Variants in KIAA2012 observed in about 807,000 individuals in gnomAD.
KIAA2012 encodes the protein uncharacterized protein KIAA2012.
A neutral mutation model predicts 150.6 loss-of-function variants in KIAA2012; 125 were observed. The ratio of observed to expected loss-of-function variants is 0.83; its 90% CI spans 0.72 to 0.96. The LOEUF (loss-of-function observed/expected upper bound fraction) is 0.96. Among genes scored for constraint, KIAA2012 ranks in the 40% least tolerant of loss-of-function variants. KIAA2012 has a pLI of 0.00. For missense variants in KIAA2012, 1,219 were observed against 1,354.9 expected, an observed-to-expected ratio of 0.90 and a Z score of 1.57; for synonymous variants, 462 against 504.7, an observed-to-expected ratio of 0.92 and a Z score of 1.13.
intron 2 of KIAA2012, chr2:202,076,832 G>C: frequency 2.6e-6 from 1 of 385,900 alleles, no homozygotes. Context: ...GTTTGTCTCA[G>C]ATTCCCTCTG....
rs1379583053 is a variant in KIAA2012, at chr2:202,075,111, T to C, written c.305T>C (p.Leu102Pro). ...TGCCCCAGAGGTCCCTGGAGGAAGC[T>C]GGATCTTGAACTGCACACACTTCAA... ...PYCPRGPWRKLDLELHTLQDL... is the reference protein window; with the variant it reads ...PYCPRGPWRKPDLELHTLQDL... The change falls in exon 2 of 24, where the codon CTG (leucine) becomes CCG (proline). Residue 102 changes from leucine to proline, a missense_variant. Transcript: ENST00000498697. 2 of 1,550,490 alleles carry C rather than the reference T, an allele frequency of 1.3e-6. No homozygotes were observed. The highest frequency in any genetic ancestry group is 2.0e-5 in the Admixed American group (1 of 50,998).
Position 202,100,424 on chromosome 2 carries a change from C to T in KIAA2012, c.1130C>T (p.Thr377Ile). The T allele has an allele frequency of 6.4e-7, 1 of 1,550,422 alleles. No individual in the cohort carries two copies. The highest frequency in any genetic ancestry group is 8.7e-7 in the Non-Finnish European group (1 of 1,146,916). ...TCTGCCACTGGCTCCAGAATAATCA[C>T]CCCTGGGGAAGTGAAGAAGAAAAAG... ...VASATGSRII[T>I]PGEVKKKKAP... The change falls in exon 7 of 24, where the codon ACC (threonine) becomes ATC (isoleucine). Residue 377 changes from threonine (T) to isoleucine (I), a missense_variant. By Grantham distance (89) the Thr-to-Ile change is moderately conservative (BLOSUM62 -1). Coordinates refer to ENST00000498697, the MANE Select transcript of KIAA2012 (RefSeq NM_001277372.4).
At chr2:202,089,541 T>C (rs1206063000) in intron 2 of KIAA2012, among the ~76,000 whole-genome samples, 1 of 152,224 alleles carries the variant, frequency 6.6e-6, no homozygotes, top group Non-Finnish European at 1.5e-5. Flanking sequence ...CTCCACACAG[T>C]TGCTCTCTAT....
intron 19 of KIAA2012, 109 bp downstream of exon 19, chr2:202,190,602 G>A (rs761941880): frequency 3.0e-5 from 24 of 808,376 alleles, no homozygotes; most frequent in Middle Eastern, 3.0e-4. Flanking sequence ...AAAACAGCTC[G>A]ACCACCTAAT....
intron 11 of KIAA2012, among the ~76,000 whole-genome samples, chr2:202,119,975 A>G (rs1313534920): frequency 1.3e-5 from 2 of 152,168 alleles, no homozygotes; most frequent in Non-Finnish European, 2.9e-5. Context: ...AAGAGATCTC[A>G]TGGTTTTAAA....
intron 5 of KIAA2012, among the ~76,000 whole-genome samples, chr2:202,098,822 ACGCGCG>A (rs147687356): frequency 9.9e-5 from 11 of 110,676 alleles, no homozygotes; most frequent in African/African-American, 2.3e-4. Flanking sequence ...GTGTGTGTGC[ACGCGCG>A]CGCGCGCGCA....
At chr2:202,130,973 CT>C (rs1690915359) in intron 12 of KIAA2012, among the ~76,000 whole-genome samples, 1 of 152,070 alleles carries the variant, frequency 6.6e-6, no homozygotes, top group Non-Finnish European at 1.5e-5. Context: ...TGAGTCTTTT[CT>C]TAAGGATGTT....
At chr2:202,107,801 G>A (rs2105926017) in intron 9 of KIAA2012, among the ~76,000 whole-genome samples, 1 of 152,248 alleles carries the variant, frequency 6.6e-6, no homozygotes, top group Middle Eastern at 3.4e-3. Context: ...CTGAGGTCAG[G>A]AGTTCGAGAC....
At chr2:202,119,202 G>A (rs570189738) in intron 11 of KIAA2012, among the ~76,000 whole-genome samples, 1 of 152,094 alleles carries the variant, frequency 6.6e-6, no homozygotes, top group Non-Finnish European at 1.5e-5. Context: ...AACCTGGGAG[G>A]CAGAGATTGC....
At chr2:202,171,319 T>G (rs1218115152) in intron 15 of KIAA2012, among the ~76,000 whole-genome samples, 1 of 152,102 alleles carries the variant, frequency 6.6e-6, no homozygotes, top group Non-Finnish European at 1.5e-5. Context: ...GCCAAAGTGG[T>G]CCAGCAGTGC....
chr2:202,179,160 G>T, intron 15 of KIAA2012: 1 of 511,134 alleles, frequency 2.0e-6, no homozygotes. Context: ...CTTCCCCACT[G>T]GAATGTAAGC....
At chr2:202,128,369 G>A (rs1448548485) in intron 12 of KIAA2012, among the ~76,000 whole-genome samples, 23 of 151,932 alleles carry the variant, frequency 1.5e-4, no homozygotes, top group Non-Finnish European at 1.5e-5. Flanking sequence ...GGGCTCAAGC[G>A]ATCCTCCCAT....
chr2:202,169,658 A>T (rs926492022), intron 15 of KIAA2012, among the ~76,000 whole-genome samples: 7 of 152,170 alleles, frequency 4.6e-5, no homozygotes, highest in Admixed American at 3.3e-4. Flanking sequence ...ATCTAGACCC[A>T]TTCTAGCTAG....
chr2:202,203,591 G>A (rs961150633), intron 23 of KIAA2012, among the ~76,000 whole-genome samples: 15 of 152,110 alleles, frequency 9.9e-5, no homozygotes, highest in African/African-American at 2.7e-4. Flanking sequence ...TGTGGTTACC[G>A]GCTACTGTAT....
chr2:202,109,936 A>G (rs371344311), intron 10 of KIAA2012, 147 bp downstream of exon 10: 57 of 723,246 alleles, frequency 7.9e-5, no homozygotes, highest in African/African-American at 7.1e-4. Context: ...TGTCAGTGGG[A>G]TTAATGTTCC....
chr2:202,197,054 G>T lies in KIAA2012; in HGVS notation c.3407+35G>T, dbSNP rs1692429733. The T allele has an allele frequency of 2.6e-6, 4 of 1,549,936 alleles. No individual in the cohort carries two copies. The South Asian group carries it at 4.8e-5, about 18-fold the overall frequency. ...ATTTGGGCAACAGTTGCCATAGGGGGATGGTTCAAGGGCTTCACTGTCCAG... is the reference window on the plus strand; with the variant it reads ...ATTTGGGCAACAGTTGCCATAGGGGTATGGTTCAAGGGCTTCACTGTCCAG... On this transcript the variant is annotated intron_variant, in intron 22 of 23. Coordinates refer to ENST00000498697, the MANE Select transcript of KIAA2012 (RefSeq NM_001277372.4).
At chr2:202,186,511 C>CA (rs57585341) in intron 16 of KIAA2012, among the ~76,000 whole-genome samples, 61,097 of 143,828 alleles carry the variant, frequency 0.42, 12,489 homozygotes, top group East Asian at 0.59. Flanking sequence ...GACTCCGTCT[C>CA]AAAAAAAAAA....
rs1692549867 is a variant in KIAA2012, at chr2:202,202,476, A to G, written c.3455A>G (p.His1152Arg). 1 of 399,482 alleles carries G rather than the reference A, an allele frequency of 2.5e-6. No homozygotes were observed. The allele number at this position is 399,482 out of a possible 1,614,324, so 24.7% of individuals were successfully genotyped here. A position where few individuals can be genotyped will look rare whatever the true frequency, so the allele number is the denominator to read the frequency against. ...EKHFHFYQEL[H>R]KEASGLQWTQ... ...CATTTTCATTTCTATCAAGAACTCCATAAGGAAGCCAGTGGCCTGCAGTGG... is the reference window on the plus strand; with the variant it reads ...CATTTTCATTTCTATCAAGAACTCCGTAAGGAAGCCAGTGGCCTGCAGTGG... The change falls in exon 23 of 24, where the codon CAT becomes CGT. Residue 1152 changes from histidine (H) to arginine (R), a missense_variant. By Grantham distance (29) the His-to-Arg change is conservative. Coordinates refer to ENST00000498697, the MANE Select transcript of KIAA2012 (RefSeq NM_001277372.4).
At chr2:202,186,420 G>A (rs375718629) in intron 16 of KIAA2012, among the ~76,000 whole-genome samples, 3 of 152,120 alleles carry the variant, frequency 2.0e-5, no homozygotes, top group African/African-American at 7.2e-5. Context: ...GCTGAGGCAG[G>A]AGAATCGCTA....
Sources: gnomAD v4.1 joint callset for allele counts (sites outside exome capture counted in the v4.1 genomes callset) on GRCh38, gnomAD v4.1.1 for gene constraint, MANE v1.5 for transcripts, NCBI Gene and HGNC (gene_info 2026-07-23, HGNC 2026-07-21) for gene names.